RBM19: variants seen among roughly 807,000 people sequenced by gnomAD.
The protein encoded by RBM19 is RNA binding motif protein 19, also known as probable RNA-binding protein 19.
A neutral mutation model predicts 116.8 loss-of-function variants in RBM19; 94 were observed. The observed-to-expected ratio is 0.80, with a 90% CI of 0.68 to 0.95. The LOEUF (loss-of-function observed/expected upper bound fraction) is 0.95, where lower values mean the gene tolerates loss of function less well. RBM19 is among the 40% of genes least tolerant of loss of function. RBM19 has a pLI of 0.00. For missense variants in RBM19, 1,161 were observed against 1,220.7 expected, an observed-to-expected ratio of 0.95 and a Z score of 0.73; for synonymous variants, 475 against 494.1, an observed-to-expected ratio of 0.96 and a Z score of 0.51.
At chr12:113,882,230 T>C (rs1043218480) in intron 21 of RBM19, among the ~76,000 whole-genome samples, 3 of 152,164 alleles carry the variant, frequency 2.0e-5, no homozygotes, top group Non-Finnish European at 2.9e-5. Flanking sequence ...CCCATTCCTC[T>C]TGCATAGGAC....
chr12:113,913,393 C>T (rs745648670), intron 21 of RBM19, among the ~76,000 whole-genome samples: 5 of 152,152 alleles, frequency 3.3e-5, no homozygotes, highest in Non-Finnish European at 7.3e-5. Flanking sequence ...CAGGTCATGA[C>T]CCCATCTCGC....
chr12:113,884,866 A>C (rs1880414975), intron 21 of RBM19, among the ~76,000 whole-genome samples: 1 of 152,226 alleles, frequency 6.6e-6, no homozygotes. Context: ...ATAAATAATG[A>C]TAATAATGGT....
intron 16 of RBM19, among the ~76,000 whole-genome samples, chr12:113,931,835 C>T (rs1218985770): frequency 6.6e-6 from 1 of 152,204 alleles, no homozygotes. Flanking sequence ...CAGCCTGGGC[C>T]CAACCACTCG....
chr12:113,948,267 A>C (rs1180224847), intron 10 of RBM19, among the ~76,000 whole-genome samples: 1 of 152,146 alleles, frequency 6.6e-6, no homozygotes, highest in Non-Finnish European at 1.5e-5. Flanking sequence ...CCCTTCAACA[A>C]TGGTAACTCC....
At chr12:113,904,064 C>T (rs1881884783) in intron 21 of RBM19, among the ~76,000 whole-genome samples, 1 of 152,118 alleles carries the variant, frequency 6.6e-6, no homozygotes, top group Non-Finnish European at 1.5e-5. Context: ...GGGGCCATTC[C>T]CTTAGTGGAA....
At chr12:113,950,007 C>A in intron 9 of RBM19, 76 bp downstream of exon 9, 1 of 1,311,754 alleles carries the variant, frequency 7.6e-7, no homozygotes, top group Non-Finnish European at 1.1e-6. Flanking sequence ...GGTGCTGGTA[C>A]AAGAACGTGT....
intron 2 of RBM19, among the ~76,000 whole-genome samples, chr12:113,960,763 T>A (rs1438094118): frequency 1.3e-5 from 2 of 152,148 alleles, no homozygotes; most frequent in Non-Finnish European, 2.9e-5. Flanking sequence ...TTAATTATCA[T>A]AAAGTAAGCT....
chr12:113,915,021 C>A lies in RBM19; in HGVS notation c.2506G>T (p.Val836Leu). The A allele has an allele frequency of 6.2e-7, 1 of 1,614,236 alleles. No individual in the cohort carries two copies. The highest frequency in any genetic ancestry group is 8.5e-7 in the Non-Finnish European group (1 of 1,180,044). Reference sequence around the variant, plus strand: ...TGGGCCTGGAAGGGGATGTTCCGCACCAGGATCTTGGAGGTGGTCTGCTTT... The same window carrying A: ...TGGGCCTGGAAGGGGATGTTCCGCAACAGGATCTTGGAGGTGGTCTGCTTT... ...PRKQTTSKILVRNIPFQAHSR... is the reference protein window; with the variant it reads ...PRKQTTSKILLRNIPFQAHSR... Residue 836 changes from valine (V) to leucine (L), a missense_variant, in exon 21 of 24, where the codon GTG (valine) becomes TTG (leucine). Physicochemically the swap from Val to Leu is conservative, Grantham distance 32. Transcript: ENST00000261741.
chr12:113,920,600 C>A lies in RBM19; in HGVS notation c.2385+11G>T. On this transcript the variant is annotated intron_variant, in intron 19 of 23. Coordinates refer to ENST00000261741, the MANE Select transcript of RBM19 (RefSeq NM_016196.4). ...GCCTCCGTGGCCCTCAGCTGAGAATCTTCACTTTACCTGGAGCTGCTTGAG... is the reference window on the plus strand; with the variant it reads ...GCCTCCGTGGCCCTCAGCTGAGAATATTCACTTTACCTGGAGCTGCTTGAG... 6.2e-7 allele frequency: 1 copy of A among 1,612,790 alleles called. No individual in the cohort carries two copies. Among genetic ancestry groups the A allele is most frequent in the Non-Finnish European group, 8.5e-7 (1 of 1,178,828 alleles).
At chr12:113,914,924 C>T in intron 21 of RBM19, 45 bp downstream of exon 21, 1 of 1,533,344 alleles carries the variant, frequency 6.5e-7, no homozygotes, top group Middle Eastern at 1.7e-4. Context: ...CGGGCAGGCT[C>T]CCCGCCCACA....
At chr12:113,862,409 C>T (rs1878471708) in intron 21 of RBM19, among the ~76,000 whole-genome samples, 1 of 151,658 alleles carries the variant, frequency 6.6e-6, no homozygotes, top group Non-Finnish European at 1.5e-5. Context: ...TCATATAAGG[C>T]CAATACTAAT....
chr12:113,822,152 A>T lies in RBM19; in HGVS notation c.*1072T>A, dbSNP rs1874461166. 1 of 152,222 alleles carries T rather than the reference A, an allele frequency of 6.6e-6. No homozygotes were observed. The allele number at this position is 152,222 out of a possible 1,614,324, so 9.4% of individuals were successfully genotyped here. On this transcript the variant is annotated 3_prime_UTR_variant, in exon 24 of 24. Coordinates refer to ENST00000261741, the MANE Select transcript of RBM19 (RefSeq NM_016196.4). ...CACAATTATCACCCCCATTTCCTAG[A>T]GAGAAAAACAGAGGCTCAGCCAGGA...
rs548473938 is a variant in RBM19 at position 113,941,651 on chromosome 12, CTCCA to C, written c.1737+669_1737+672del. On this transcript the variant is annotated intron_variant, in intron 14 of 23. Transcript: ENST00000261741. The stretch of plus-strand genomic sequence containing the variant: ...CATTCATCCACCATCCATATTCATC[CTCCA>C]TCCATCCATCCATCCATCCATCCAC... 2.9e-3 allele frequency among the ~76,000 whole-genome samples: 418 copies of C among 146,638 alleles called. 5 individuals carry two copies. The highest frequency in any genetic ancestry group is 0.011 in the African/African-American group (397 of 36,936).
intron 21 of RBM19, among the ~76,000 whole-genome samples, chr12:113,870,506 C>G (rs981225970): frequency 6.6e-6 from 1 of 152,150 alleles, no homozygotes; most frequent in African/African-American, 2.4e-5. Context: ...GACTCCTCAA[C>G]CTAAGGCAGG....
chr12:113,937,434 A>G (rs992642607), intron 15 of RBM19, among the ~76,000 whole-genome samples: 3 of 152,110 alleles, frequency 2.0e-5, no homozygotes, highest in African/African-American at 7.2e-5. Flanking sequence ...TGAAACTCTA[A>G]AGTTTCATAC....
Position 113,939,962 on chromosome 12 carries a change from T to C in RBM19, c.1936A>G (p.Lys646Glu). Reference sequence around the variant, plus strand: ...TTCTGGGTCTCCAGCAGCCCTACCTTGGAATAGGCCAGATGCCTGAAGGCC... The same window carrying C: ...TTCTGGGTCTCCAGCAGCCCTACCTCGGAATAGGCCAGATGCCTGAAGGCC... ...RKAFRHLAYS[K>E]FHHVPLYLEW... Residue 646 changes from lysine (K) to glutamate (E), a missense_variant and splice_region_variant, in exon 15 of 24, where the codon AAG (lysine) becomes GAG (glutamate). Physicochemically the swap from Lys to Glu is moderately conservative, Grantham distance 56 (BLOSUM62 1). Transcript: ENST00000261741. 1 of 1,613,786 alleles carries C rather than the reference T, an allele frequency of 6.2e-7. No homozygotes were observed. Among genetic ancestry groups the C allele is most frequent in the Non-Finnish European group, 8.5e-7 (1 of 1,179,884 alleles).
At chr12:113,943,412 T>G (rs1241384804) in intron 13 of RBM19, among the ~76,000 whole-genome samples, 1 of 151,978 alleles carries the variant, frequency 6.6e-6, no homozygotes, top group Non-Finnish European at 1.5e-5. Context: ...GTATGTGAAA[T>G]GCAACGCGAC....
chr12:113,911,100 T>C (rs1280211504), intron 21 of RBM19, among the ~76,000 whole-genome samples: 1 of 152,194 alleles, frequency 6.6e-6, no homozygotes, highest in Non-Finnish European at 1.5e-5. Flanking sequence ...TTCCTTCTTT[T>C]AGATCCATAC....
At chr12:113,941,792 T>G (rs1870595914) in intron 14 of RBM19, among the ~76,000 whole-genome samples, 1 of 152,160 alleles carries the variant, frequency 6.6e-6, no homozygotes, top group Non-Finnish European at 1.5e-5. Context: ...AGCCCTGAGT[T>G]TTAGTCCAGG....
Sources: gnomAD v4.1 joint callset for allele counts (sites outside exome capture counted in the v4.1 genomes callset) on GRCh38, gnomAD v4.1.1 for gene constraint, MANE v1.5 for transcripts, NCBI Gene and HGNC (gene_info 2026-07-23, HGNC 2026-07-21) for gene names.